DCUN1D4: variants seen among roughly 807,000 people sequenced by gnomAD.
DCUN1D4 encodes defective in cullin neddylation 1 domain containing 4, also known as DCN1-like protein 4.
In DCUN1D4, 22 loss-of-function variants were observed where a neutral mutation model predicts 47.9. That is an observed-to-expected ratio of 0.46 (90% CI 0.33 to 0.66). The LOEUF is 0.66. Ranked by LOEUF, DCUN1D4 falls within the 30% of genes least tolerant of loss-of-function variation. DCUN1D4 has a pLI of 0.02. For synonymous variants in DCUN1D4, 121 were observed against 112.2 expected (o/e 1.08, Z -0.50); for missense variants, 301 against 340.8 (o/e 0.88, Z 0.92).
intron 7 of DCUN1D4, among the ~76,000 whole-genome samples, chr4:51,893,029 C>T (rs1050368272): frequency 6.6e-6 from 1 of 152,192 alleles, no homozygotes; most frequent in Non-Finnish European, 1.5e-5. Flanking sequence ...ACTATTCTCC[C>T]ATTTGAATGC....
intron 1 of DCUN1D4, 109 bp from the exon 2 acceptor site, chr4:51,863,323 CAAATT>C (rs1725369297): frequency 3.5e-6 from 3 of 849,912 alleles, no homozygotes; most frequent in African/African-American, 1.7e-5. Context: ...ACTTTAGTGT[CAAATT>C]AATTGAGATA....
chr4:51,855,707 A>AT (rs569888126), intron 1 of DCUN1D4, among the ~76,000 whole-genome samples: 3 of 152,028 alleles, frequency 2.0e-5, no homozygotes, highest in East Asian at 1.9e-4. Context: ...GAGGACTAGA[A>AT]TTTTTTTTCT....
At chr4:51,863,389 C>A (rs2109901158) in intron 1 of DCUN1D4, 48 bp from the exon 2 acceptor site, 2 of 1,391,074 alleles carry the variant, frequency 1.4e-6, no homozygotes, top group Non-Finnish European at 2.0e-6. Context: ...TGTTTTTTTA[C>A]AATATTGGAA....
chr4:51,902,307 G>C (rs1209326698), intron 8 of DCUN1D4, among the ~76,000 whole-genome samples: 4 of 152,142 alleles, frequency 2.6e-5, no homozygotes, highest in Admixed American at 2.6e-4. Flanking sequence ...GTGTCTTTCA[G>C]GTCTTCTGTA....
At chr4:51,837,654 C>CAAAAAAAAAAAA in the DCUN1D4 span, among the ~76,000 whole-genome samples, 17 of 46,184 alleles carry the variant, frequency 3.7e-4, 1 homozygote, top group African/African-American at 5.8e-4. Flanking sequence ...GACTCCGTCT[C>CAAAAAAAAAAAA]AAAAAAAAAA....
At chr4:51,835,683 G>A in the DCUN1D4 span, among the ~76,000 whole-genome samples, 1 of 152,112 alleles carries the variant, frequency 6.6e-6, no homozygotes, top group Non-Finnish European at 1.5e-5. Context: ...TCTGGGGCTT[G>A]AGGAGCTGCT....
intron 5 of DCUN1D4, among the ~76,000 whole-genome samples, chr4:51,879,610 A>T (rs1477608331): frequency 6.6e-6 from 1 of 152,260 alleles, no homozygotes; most frequent in Non-Finnish European, 1.5e-5. Flanking sequence ...CCGTCTCCAG[A>T]AAACAAAAAT....
chr4:51,883,048 C>G (rs1173249020), intron 5 of DCUN1D4, among the ~76,000 whole-genome samples: 4 of 152,128 alleles, frequency 2.6e-5, no homozygotes, highest in Non-Finnish European at 5.9e-5. Flanking sequence ...ATGAAAAGAA[C>G]TTTGATTCAT....
At position 51,848,325 on chromosome 4, in the gene DCUN1D4, G is replaced by T. The variant is rs922663774; in HGVS notation, c.25+5058G>T. 2.7e-4 allele frequency: 342 copies of T among 1,286,194 alleles called. 1 individual carries two copies. The highest frequency in any genetic ancestry group is 5.0e-5 in the Non-Finnish European group (49 of 986,948). The allele number at this position is 1,286,194 out of a possible 1,614,324, so 79.7% of individuals were successfully genotyped here. A position where few individuals can be genotyped will look rare whatever the true frequency, so the allele number is the denominator to read the frequency against. ...TGCACACGTCCGTTTCTGGTCTCTCGTGTCAGCGTCCTACCTGCACAAGGT... is the reference window on the plus strand; with the variant it reads ...TGCACACGTCCGTTTCTGGTCTCTCTTGTCAGCGTCCTACCTGCACAAGGT... On this transcript the variant is annotated intron_variant, in intron 1 of 10. Transcript: ENST00000334635.
chr4:51,889,429 AT>A, intron 6 of DCUN1D4, among the ~76,000 whole-genome samples: 1 of 152,308 alleles, frequency 6.6e-6, no homozygotes, highest in East Asian at 1.9e-4. Context: ...GTCTATGTTC[AT>A]TTACCAAGAT....
rs758053478 is a variant in DCUN1D4, at chr4:51,863,697, G to A, written c.124G>A (p.Asp42Asn). The change falls in exon 3 of 11, where the codon GAT (aspartate) becomes AAT (asparagine). Residue 42 changes from aspartate to asparagine, a missense_variant. This residue lies in a region of DCUN1D4 where 131 missense variants were observed against 106.3 expected (regional missense o/e 1.23). Transcript: ENST00000334635. ...CCTAACAGAAGACATTGGCCAAGAC[G>A]ATCACCAAACAGGTATCTGTAAATG... ...LNLTEDIGQD[D>N]HQTGSLRSCS... 8.7e-6 allele frequency: 14 copies of A among 1,613,074 alleles called. No individual in the cohort carries two copies. Among genetic ancestry groups the A allele is most frequent in the East Asian group, 4.5e-5 (2 of 44,820 alleles).
At chr4:51,856,931 A>G (rs746351098) in intron 1 of DCUN1D4, among the ~76,000 whole-genome samples, 5 of 152,328 alleles carry the variant, frequency 3.3e-5, no homozygotes, top group Non-Finnish European at 7.3e-5. Context: ...CCAGCATTGG[A>G]ATAGATCTCT....
intron 3 of DCUN1D4, among the ~76,000 whole-genome samples, chr4:51,867,365 C>T (rs562585484): frequency 3.3e-5 from 5 of 152,214 alleles, no homozygotes; most frequent in South Asian, 2.1e-4. Context: ...GCAAGGGGTG[C>T]GTTTCAGCCC....
At chr4:51,899,235 T>G (rs1731737910) in intron 7 of DCUN1D4, 35 bp from the exon 8 acceptor site, 2 of 1,541,122 alleles carry the variant, frequency 1.3e-6, no homozygotes, top group East Asian at 2.4e-5. Flanking sequence ...ATAAATGAAC[T>G]CAGGTCATAA....
intron 1 of DCUN1D4, chr4:51,848,263 T>C (rs1424773267): frequency 1.6e-6 from 2 of 1,289,340 alleles, no homozygotes; most frequent in East Asian, 1.1e-4. Flanking sequence ...AAAATGCTGG[T>C]GATGTGCTGA....
At chr4:51,882,950 A>C (rs891297580) in intron 5 of DCUN1D4, among the ~76,000 whole-genome samples, 1 of 152,212 alleles carries the variant, frequency 6.6e-6, no homozygotes, top group Admixed American at 6.5e-5. Context: ...GTTGCTTAAA[A>C]AAAACACCCT....
At chr4:51,874,471 G>A in intron 4 of DCUN1D4, 86 bp downstream of exon 4, 1 of 858,454 alleles carries the variant, frequency 1.2e-6, no homozygotes, top group Non-Finnish European at 1.7e-6. Flanking sequence ...GGTCTTCTAA[G>A]TGTGCAAATG....
At chr4:51,890,554 A>G (rs1419897633) in intron 6 of DCUN1D4, among the ~76,000 whole-genome samples, 1 of 152,212 alleles carries the variant, frequency 6.6e-6, no homozygotes, top group Non-Finnish European at 1.5e-5. Context: ...TTATGTATGA[A>G]TGGACTGTCC....
chr4:51,876,940 A>C (rs968632214), intron 4 of DCUN1D4, among the ~76,000 whole-genome samples: 5 of 152,228 alleles, frequency 3.3e-5, no homozygotes, highest in Non-Finnish European at 7.3e-5. Context: ...GTATATACTT[A>C]TAATTTTTAT....
Sources: gnomAD v4.1 joint callset for allele counts (sites outside exome capture counted in the v4.1 genomes callset) on GRCh38, gnomAD v4.1.1 for gene constraint, gnomAD v4.1.1 regional missense constraint, MANE v1.5 for transcripts, NCBI Gene and HGNC (gene_info 2026-07-23, HGNC 2026-07-21) for gene names.